Variants in AP1M1 observed in about 807,000 individuals in gnomAD.
AP1M1 encodes the protein adaptor related protein complex 1 subunit mu 1.
A neutral mutation model predicts 57.1 loss-of-function variants in AP1M1; 18 were observed. That is an observed-to-expected ratio of 0.32 (90% CI 0.22 to 0.47). The LOEUF is 0.47. Ranked by LOEUF, AP1M1 falls within the 20% of genes least tolerant of loss-of-function variation. The pLI, the probability that AP1M1 is intolerant of heterozygous loss-of-function variation, is 1.00. For missense variants in AP1M1, 362 were observed against 593.5 expected (o/e 0.61, Z 4.05); for synonymous variants, 241 against 237.9 (o/e 1.01, Z -0.12).
intron 5 of AP1M1, 189 bp downstream of exon 5, chr19:16,209,366 T>C (rs2145119860): frequency 1.7e-6 from 1 of 593,118 alleles, no homozygotes; most frequent in Non-Finnish European, 2.8e-6. Context: ...AATCTCATTC[T>C]GTCGCCCAGG....
At chr19:16,213,287 T>C (rs2091503039) in intron 5 of AP1M1, among the ~76,000 whole-genome samples, 1 of 152,220 alleles carries the variant, frequency 6.6e-6, no homozygotes, top group African/African-American at 2.4e-5. Flanking sequence ...TGGCTGCATA[T>C]TTATTTAGGT....
intron 5 of AP1M1, among the ~76,000 whole-genome samples, chr19:16,223,054 AC>A (rs1173660653): frequency 6.6e-6 from 1 of 152,066 alleles, no homozygotes; most frequent in Non-Finnish European, 1.5e-5. Flanking sequence ...TGCATCCTGG[AC>A]TTTTTGAGCA....
intron 1 of AP1M1, among the ~76,000 whole-genome samples, chr19:16,198,988 A>G (rs2091436518): frequency 6.6e-6 from 1 of 152,122 alleles, no homozygotes; most frequent in East Asian, 1.9e-4. Context: ...TTGTATTTTT[A>G]GTAGAGGCAG....
At chr19:16,224,184 C>T (rs995362039) in intron 5 of AP1M1, among the ~76,000 whole-genome samples, 2 of 152,230 alleles carry the variant, frequency 1.3e-5, no homozygotes, top group African/African-American at 4.8e-5. Flanking sequence ...ACAGTGGCCT[C>T]GCTAACCACA....
At chr19:16,198,139 T>G (rs1183807068) in intron 1 of AP1M1, 71 bp downstream of exon 1, 1 of 1,558,062 alleles carries the variant, frequency 6.4e-7, no homozygotes. Context: ...GGACCCACCC[T>G]GTTGCTAGGT....
At chr19:16,204,783 A>G (rs2091462709) in intron 2 of AP1M1, among the ~76,000 whole-genome samples, 1 of 148,124 alleles carries the variant, frequency 6.8e-6, no homozygotes, top group East Asian at 2.0e-4. Context: ...TGTAGATTTC[A>G]CCTGGCTCTG....
chr19:16,215,200 CGGGGGGGGGGGAGAGGGGGGAGGGGGGA>C (rs1203133727), intron 5 of AP1M1, among the ~76,000 whole-genome samples: 2 of 7,370 alleles, frequency 2.7e-4, no homozygotes, highest in Non-Finnish European at 6.1e-4. Context: ...AAGGCGGGGG[CGGGGGGGGGGGAGAGGGGGGAGGGGGGA>C]GGGGAGGGGA....
In AP1M1 at chr19:16,235,296, C is replaced by G. The variant is rs1248143123; in HGVS notation, c.*861C>G. 1 of 152,314 alleles carries G rather than the reference C, an allele frequency of 6.6e-6. No individual in the cohort carries two copies. The highest frequency in any genetic ancestry group is 1.5e-5 in the Non-Finnish European group (1 of 68,088). 9.4% of individuals were successfully genotyped at this position (152,314 alleles called of 1,614,324 possible). A position where few individuals can be genotyped will look rare whatever the true frequency, so the allele number is the denominator to read the frequency against. ...CGCTTGGTCACCCGTCCTCCCCACC[C>G]TGTGTGTGTTTATGTCATAGTTACA... On this transcript the variant is annotated 3_prime_UTR_variant, in exon 12 of 12. Coordinates refer to ENST00000291439, the MANE Select transcript of AP1M1 (RefSeq NM_032493.4).
chr19:16,206,530 G>T lies in AP1M1; in HGVS notation c.267+122G>T. On this transcript the variant is annotated intron_variant, in intron 3 of 11. Transcript: ENST00000291439. The surrounding 1 kb of genome is among the most constrained non-coding windows in gnomAD (Gnocchi z 4.3). ...GCATCCCCAGGGAGCACTGGGGCTG[G>T]AAGCCCAGGAAGTGGGAAAGGGGAG... is the stretch of plus-strand genomic sequence containing the variant. 1 of 1,010,328 alleles carries T rather than the reference G, an allele frequency of 9.9e-7. No homozygotes were observed. The allele number at this position is 1,010,328 out of a possible 1,614,324, so 62.6% of individuals were successfully genotyped here. A position where few individuals can be genotyped will look rare whatever the true frequency, so the allele number is the denominator to read the frequency against.
In AP1M1 at chr19:16,203,583, G is replaced by A; in HGVS notation, c.167G>A (p.Arg56His). Residue 56 changes from arginine to histidine, a missense_variant, in exon 2 of 12, where the codon CGT becomes CAT. By Grantham distance (29) the Arg-to-His change is conservative (BLOSUM62 0). Around this residue, in one of 2 missense-constraint regions of AP1M1, gnomAD observed 337 missense variants for 511.1 expected, o/e 0.66. Coordinates refer to ENST00000291439, the MANE Select transcript of AP1M1 (RefSeq NM_032493.4). The surrounding 1 kb of genome is among the most constrained non-coding windows in gnomAD (Gnocchi z 4.6). ...LSPILAHGGV[R>H]FMWIKHNNLY... ...CCCATCCTGGCCCACGGGGGGGTCC[G>A]TTTCATGTGGATCAAACACAACAAC... 6.2e-7 allele frequency: 1 copy of A among 1,613,466 alleles called. No homozygotes were observed. The highest frequency in any genetic ancestry group is 2.2e-5 in the East Asian group (1 of 44,868).
intron 5 of AP1M1, among the ~76,000 whole-genome samples, chr19:16,221,269 G>T (rs1474043632): frequency 6.6e-6 from 1 of 152,316 alleles, no homozygotes; most frequent in East Asian, 1.9e-4. Flanking sequence ...CAGAATGCTT[G>T]TTCCTCGGTA....
At chr19:16,224,130 G>A (rs577216461) in intron 5 of AP1M1, among the ~76,000 whole-genome samples, 5 of 152,342 alleles carry the variant, frequency 3.3e-5, no homozygotes, top group South Asian at 2.1e-4. Flanking sequence ...ACTGTCTCGC[G>A]CACTCCGTGC....
Position 16,203,571 on chromosome 19 carries a change from A to G in AP1M1, c.155A>G (p.His52Arg). The G allele has an allele frequency of 1.2e-6, 2 of 1,613,946 alleles. No individual in the cohort carries two copies. Among genetic ancestry groups the G allele is most frequent in the East Asian group, 2.2e-5 (1 of 44,886 alleles). The change falls in exon 2 of 12, where the codon CAC becomes CGC. Residue 52 changes from histidine to arginine, a missense_variant. Around this residue, in one of 2 missense-constraint regions of AP1M1, gnomAD observed 337 missense variants for 511.1 expected, o/e 0.66. Transcript: ENST00000291439. The surrounding 1 kb of genome is among the most constrained non-coding windows in gnomAD (Gnocchi z 4.6). ...EEGMLSPILAHGGVRFMWIKH... is the reference protein window; with the variant it reads ...EEGMLSPILARGGVRFMWIKH... ...GGGATGCTGTCGCCCATCCTGGCCC[A>G]CGGGGGGGTCCGTTTCATGTGGATC... is the stretch of plus-strand genomic sequence containing the variant.
rs899563242 is a variant in AP1M1, at chr19:16,207,458, A to G, written c.268-561A>G. 6.6e-6 allele frequency among the ~76,000 whole-genome samples: 1 copy of G among 151,960 alleles called. No homozygotes were observed. The highest frequency in any genetic ancestry group is 2.4e-5 in the African/African-American group (1 of 41,366). On this transcript the variant is annotated intron_variant, in intron 3 of 11. Coordinates refer to ENST00000291439, the MANE Select transcript of AP1M1 (RefSeq NM_032493.4). The surrounding 1 kb of genome is among the most constrained non-coding windows in gnomAD (Gnocchi z 4.2). ...GCGCGCAGGGGTCAGCAGATCAGAG[A>G]ATGGGGGATGCGGGAAGGGGAAGGT... is the stretch of plus-strand genomic sequence containing the variant.
At chr19:16,211,113 T>TC (rs1364302065) in intron 5 of AP1M1, among the ~76,000 whole-genome samples, 1 of 147,768 alleles carries the variant, frequency 6.8e-6, no homozygotes, top group Non-Finnish European at 1.5e-5. Flanking sequence ...TTTTTTTTTT[T>TC]CGACAGAGTC....
rs1402729301 is a variant in AP1M1, at chr19:16,239,237, CTCTTTTTTTT to C, written c.*4804_*4813del. On this transcript the variant is annotated 3_prime_UTR_variant, in exon 12 of 12. Transcript: ENST00000291439. The stretch of plus-strand genomic sequence containing the variant: ...CATGAGCCACCGCGCCCGGCCAGTT[CTCTTTTTTTT>C]TTTTTTTTTTTTTTTTTTTTTTTTT... 82 of 79,316 alleles carry C rather than the reference CTCTTTTTTTT, an allele frequency of 1.0e-3. No individual in the cohort carries two copies. Among genetic ancestry groups the C allele is most frequent in the Non-Finnish European group, 1.3e-3 (57 of 42,352 alleles). 4.9% of individuals were successfully genotyped at this position (79,316 alleles called of 1,614,324 possible).
chr19:16,228,028 G>A lies in AP1M1; in HGVS notation c.817-109G>A, dbSNP rs1440664199. 1.8e-5 allele frequency: 21 copies of A among 1,170,806 alleles called. No individual in the cohort carries two copies. The South Asian group carries it at 2.5e-4, about 14-fold the overall frequency. 72.5% of individuals were successfully genotyped at this position (1,170,806 alleles called of 1,614,324 possible). A position where few individuals can be genotyped will look rare whatever the true frequency, so the allele number is the denominator to read the frequency against. ...CTGTACGCTCCCTGCAGGGCTCTGG[G>A]CCCACACCTGGGCAGATGGTCCCTT... is the stretch of plus-strand genomic sequence containing the variant. On this transcript the variant is annotated intron_variant, in intron 7 of 11. Coordinates refer to ENST00000291439, the MANE Select transcript of AP1M1 (RefSeq NM_032493.4). This position sits in a 1 kb window ranked among gnomAD's most constrained non-coding sequence, Gnocchi z 5.0.
At position 16,234,628 on chromosome 19, in the gene AP1M1, A is replaced by C. The variant is rs1413257765; in HGVS notation, c.*193A>C. On this transcript the variant is annotated 3_prime_UTR_variant, in exon 12 of 12. Coordinates refer to ENST00000291439, the MANE Select transcript of AP1M1 (RefSeq NM_032493.4). ...CTCGTCTCAGAAGCCCCTTTCCCAG[A>C]AGAGGCTGGTCTTCAAGAAGTCTCG... 3.1e-6 allele frequency: 2 copies of C among 647,376 alleles called. No homozygotes were observed. Among genetic ancestry groups the C allele is most frequent in the Non-Finnish European group, 5.3e-6 (2 of 376,554 alleles). The allele number at this position is 647,376 out of a possible 1,614,324, so 40.1% of individuals were successfully genotyped here.
chr19:16,224,800 G>A (rs575793652), intron 5 of AP1M1, among the ~76,000 whole-genome samples: 106 of 152,258 alleles, frequency 7.0e-4, no homozygotes, highest in African/African-American at 2.3e-3. Flanking sequence ...AGGGCCCTCC[G>A]AGAAAGAGGC....
Sources: allele counts gnomAD v4.1 joint callset (sites outside exome capture counted in the v4.1 genomes callset), GRCh38; gene constraint gnomAD v4.1.1; regional missense constraint gnomAD v4.1.1; non-coding constraint Gnocchi (gnomAD v3.1); transcripts MANE v1.5; gene names NCBI Gene and HGNC (gene_info 2026-07-23, HGNC 2026-07-21).